SASH1: variants seen among roughly 807,000 people sequenced by gnomAD.
The protein encoded by SASH1 is SAM and SH3 domain containing 1, also known as SAM and SH3 domain-containing protein 1.
A neutral mutation model predicts 125.2 loss-of-function variants in SASH1; 44 were observed. The observed-to-expected ratio is 0.35, with a 90% CI of 0.28 to 0.45. SASH1 has a LOEUF of 0.45. Ranked by LOEUF, SASH1 falls within the 20% of genes least tolerant of loss-of-function variation. The pLI is 1.00. For missense variants in SASH1, 1,426 were observed against 1,614.5 expected (o/e 0.88, Z 2.00); for synonymous variants, 639 against 649.1 (o/e 0.98, Z 0.24).
chr6:148,487,111 A>ACT lies in SASH1; in HGVS notation c.628-502_628-501insTC, dbSNP rs1405269908. ...TATATATACACACACACACACACAC[A>ACT]CATATATATATATATATATGTGTAT... On this transcript the variant is annotated intron_variant, in intron 7 of 19. Transcript: ENST00000367467. 8.7e-5 allele frequency among the ~76,000 whole-genome samples: 12 copies of ACT among 138,574 alleles called. No homozygotes were observed. The East Asian group carries it at 3.1e-3, about 36-fold the overall frequency. 90.9% of individuals were successfully genotyped at this position (138,574 alleles called of 152,430 possible). A position where few individuals can be genotyped will look rare whatever the true frequency, so the allele number is the denominator to read the frequency against.
At chr6:148,291,525 C>CA (rs1206460787) in intron 1 of SASH1, among the ~76,000 whole-genome samples, 1 of 151,900 alleles carries the variant, frequency 6.6e-6, no homozygotes, top group African/African-American at 2.4e-5. Context: ...TAAAAAAATA[C>CA]AAAAAAGATT....
At chr6:148,356,600 G>C (rs528426622) in intron 1 of SASH1, among the ~76,000 whole-genome samples, 5 of 144,096 alleles carry the variant, frequency 3.5e-5, no homozygotes, top group Admixed American at 2.2e-4. Context: ...CTCCCAAGTA[G>C]CTGGGATTAC....
At chr6:148,508,519 G>A (rs554799334) in intron 8 of SASH1, 11 of 1,015,830 alleles carry the variant, frequency 1.1e-5, no homozygotes, top group African/African-American at 1.7e-5. Context: ...GGGATTGTTG[G>A]CCATGCACAA....
At chr6:148,324,523 A>C (rs1386638876) in intron 1 of SASH1, among the ~76,000 whole-genome samples, 1 of 152,136 alleles carries the variant, frequency 6.6e-6, no homozygotes, top group Admixed American at 6.6e-5. Flanking sequence ...CAGTCCTTCC[A>C]ATTCAGCTTG....
chr6:148,334,415 G>A (rs1339481721), intron 1 of SASH1, among the ~76,000 whole-genome samples: 3 of 108,176 alleles, frequency 2.8e-5, no homozygotes, highest in African/African-American at 1.1e-4. Context: ...GCCACAGAGC[G>A]AGACTCCGTC....
rs1270656320 is a variant in SASH1 at position 148,403,872 on chromosome 6, A to G, written c.285+13610A>G. ...TTAAAATGAGTGTTTTAATTGGGATATGATTCATATACCATAATATTCACC... is the reference window on the plus strand; with the variant it reads ...TTAAAATGAGTGTTTTAATTGGGATGTGATTCATATACCATAATATTCACC... On this transcript the variant is annotated intron_variant, in intron 2 of 19. Coordinates refer to ENST00000367467, the MANE Select transcript of SASH1 (RefSeq NM_015278.5). Among the ~76,000 whole-genome samples the G allele has an allele frequency of 3.3e-5, 5 of 152,376 alleles. No individual in the cohort carries two copies. In the Middle Eastern group the frequency reaches 0.014, roughly 415 times the overall value.
chr6:148,412,943 A>G (rs1212725217), intron 2 of SASH1, among the ~76,000 whole-genome samples: 1 of 152,232 alleles, frequency 6.6e-6, no homozygotes, highest in Non-Finnish European at 1.5e-5. Flanking sequence ...AGTTTTAATG[A>G]TGAGACTCTG....
intron 4 of SASH1, among the ~76,000 whole-genome samples, chr6:148,447,945 G>A (rs1013066594): frequency 6.6e-6 from 1 of 151,928 alleles, no homozygotes; most frequent in East Asian, 1.9e-4. Context: ...ATTACCCCCC[G>A]CTGCCCACTC....
chr6:148,427,835 G>T (rs955349179), intron 2 of SASH1, among the ~76,000 whole-genome samples: 3 of 152,204 alleles, frequency 2.0e-5, no homozygotes, highest in Admixed American at 1.3e-4. Context: ...AATGGGTACG[G>T]GAGTGTGGAC....
intron 1 of SASH1, among the ~76,000 whole-genome samples, chr6:148,305,478 C>CCA (rs2128515797): frequency 6.6e-6 from 1 of 152,232 alleles, no homozygotes; most frequent in Admixed American, 6.5e-5. Flanking sequence ...CAAAAATTAG[C>CCA]TGGATGTGGT....
At chr6:148,286,528 A>G (rs1427811597) in intron 1 of SASH1, among the ~76,000 whole-genome samples, 2 of 152,162 alleles carry the variant, frequency 1.3e-5, no homozygotes, top group Admixed American at 6.6e-5. Context: ...AGAGGCTTGA[A>G]GTTGGAGATC....
chr6:148,487,893 A>G (rs1271356193), intron 8 of SASH1, among the ~76,000 whole-genome samples, 178 bp downstream of exon 8: 2 of 151,870 alleles, frequency 1.3e-5, no homozygotes, highest in Non-Finnish European at 2.9e-5. Context: ...CTACAGTCAA[A>G]ATAGTGTTAT....
the SASH1 span, among the ~76,000 whole-genome samples, chr6:148,201,182 ATAT>A: frequency 2.5e-4 from 38 of 152,238 alleles, no homozygotes; most frequent in African/African-American, 9.2e-4. Context: ...TGACGTAATA[ATAT>A]TAATGATGAC....
rs538128123 is a variant in SASH1, at chr6:148,450,181, G to T, written c.386+9774G>T. 5.3e-5 allele frequency among the ~76,000 whole-genome samples: 8 copies of T among 152,278 alleles called. No individual in the cohort carries two copies. The South Asian group carries it at 6.2e-4, about 12-fold the overall frequency. On this transcript the variant is annotated intron_variant, in intron 4 of 19. Coordinates refer to ENST00000367467, the MANE Select transcript of SASH1 (RefSeq NM_015278.5). ...TTTCCGTGAACTAAAGAGCATTCAA[G>T]AAATTGCTTTTGGATTTATCTCCCG...
rs149980361 is a variant in SASH1 at position 148,328,327 on chromosome 6, G to A, written n.74+55950G>A. Reference sequence around the variant, plus strand: ...AGTTAAAAATAGTGAGGCCGGGCGCGGTGGCTCACGCCTGTAATCCCAGCA... The same window carrying A: ...AGTTAAAAATAGTGAGGCCGGGCGCAGTGGCTCACGCCTGTAATCCCAGCA... On this transcript the variant is annotated intron_variant and non_coding_transcript_variant, in intron 1 of 3. Transcript: ENST00000367469. Among the ~76,000 whole-genome samples, 77 of 152,134 alleles carry A rather than the reference G, an allele frequency of 5.1e-4. No individual in the cohort carries two copies. The East Asian group carries it at 0.012, about 24-fold the overall frequency.
At position 148,533,025 on chromosome 6, in the gene SASH1, T is replaced by G. The variant is rs1180549909; in HGVS notation, c.1734+59T>G. ...GGGCTCTTCCATTTCTCTAGGAGGC[T>G]TTCTTTCCTCCTCACTGTTGAATGC... is the stretch of plus-strand genomic sequence containing the variant. On this transcript the variant is annotated intron_variant, in intron 14 of 19. Coordinates refer to ENST00000367467, the MANE Select transcript of SASH1 (RefSeq NM_015278.5). This position sits in a 1 kb window ranked among gnomAD's most constrained non-coding sequence, Gnocchi z 6.2. The G allele has an allele frequency of 4.5e-6, 7 of 1,554,342 alleles. No individual in the cohort carries two copies. The highest frequency in any genetic ancestry group is 6.2e-6 in the Non-Finnish European group (7 of 1,129,216).
In SASH1 at chr6:148,532,993, G is replaced by GCTAA. The variant is rs1583315195; in HGVS notation, c.1734+30_1734+33dup. 2.5e-6 allele frequency: 4 copies of GCTAA among 1,609,042 alleles called. No homozygotes were observed. The highest frequency in any genetic ancestry group is 3.3e-4 in the Middle Eastern group (2 of 6,042). ...TATCTCTCTCCCTGGCCTCAGAGCA[G>GCTAA]CTAACTGGGCTCTTCCATTTCTCTA... is the stretch of plus-strand genomic sequence containing the variant. On this transcript the variant is annotated intron_variant, in intron 14 of 19. Coordinates refer to ENST00000367467, the MANE Select transcript of SASH1 (RefSeq NM_015278.5). This position sits in a 1 kb window ranked among gnomAD's most constrained non-coding sequence, Gnocchi z 4.7.
chr6:148,356,029 A>G (rs1182307888), intron 1 of SASH1, among the ~76,000 whole-genome samples: 1 of 147,784 alleles, frequency 6.8e-6, no homozygotes, highest in East Asian at 2.0e-4. Flanking sequence ...ATCCTCTTCC[A>G]CGCTTCCCCC....
chr6:148,459,705 G>A (rs745974375), intron 4 of SASH1, among the ~76,000 whole-genome samples: 54 of 151,180 alleles, frequency 3.6e-4, no homozygotes, highest in East Asian at 1.5e-3. Flanking sequence ...TGAAAAAAAA[G>A]GCCGCTAATA....
Sources: allele counts gnomAD v4.1 joint callset (sites outside exome capture counted in the v4.1 genomes callset), GRCh38; gene constraint gnomAD v4.1.1; non-coding constraint Gnocchi (gnomAD v3.1); transcripts MANE v1.5; gene names NCBI Gene and HGNC (gene_info 2026-07-23, HGNC 2026-07-21).